The following TPTE variants were observed in gnomAD, a reference collection of about 807,000 sequenced individuals.
The protein encoded by TPTE is transmembrane phosphatase with tensin homology.
In TPTE, 59 loss-of-function variants were observed where a neutral mutation model predicts 84.1. The ratio of observed to expected loss-of-function variants is 0.70; its 90% confidence interval spans 0.57 to 0.87. The LOEUF (loss-of-function observed/expected upper bound fraction) is 0.87. Among genes scored for constraint, TPTE ranks in the 40% least tolerant of loss-of-function variants. The pLI, the probability that TPTE is intolerant of heterozygous loss-of-function variation, is 0.00. For synonymous variants in TPTE, 130 were observed against 223.5 expected (o/e 0.58, Z 3.73); for missense variants, 382 against 659.6 (o/e 0.58, Z 4.61).
chr21:10,551,945 A>G (rs1331330647), intron 7 of TPTE, among the ~76,000 whole-genome samples: 1 of 152,306 alleles, frequency 6.6e-6, no homozygotes, highest in African/African-American at 2.4e-5. Flanking sequence ...CCAGGACCTG[A>G]TGGCTTCACC....
chr21:10,558,345 T>C (rs796554761), intron 8 of TPTE, among the ~76,000 whole-genome samples: 3 of 152,428 alleles, frequency 2.0e-5, no homozygotes, highest in African/African-American at 7.2e-5. Flanking sequence ...TTTACAGTGA[T>C]TGAACTAATT....
At chr21:10,557,336 T>C (rs1479099105) in intron 8 of TPTE, among the ~76,000 whole-genome samples, 1 of 152,304 alleles carries the variant, frequency 6.6e-6, no homozygotes, top group African/African-American at 2.4e-5. Flanking sequence ...AGTACTCTTT[T>C]TTTAAGCAAA....
At chr21:10,605,279 G>A in intron 23 of TPTE, 138 bp from the exon 24 acceptor site, 1 of 1,222,072 alleles carries the variant, frequency 8.2e-7, no homozygotes, top group Non-Finnish European at 1.1e-6. Flanking sequence ...GGAGCCAACT[G>A]AGACACAAAA....
intron 18 of TPTE, among the ~76,000 whole-genome samples, chr21:10,591,824 A>G (rs1162257080): frequency 6.6e-6 from 1 of 152,310 alleles, no homozygotes; most frequent in Admixed American, 6.5e-5. Flanking sequence ...TGAATCCTTG[A>G]ATGAGAGAAG....
At position 10,564,797 on chromosome 21, in the gene TPTE, A is replaced by G. The variant is rs541804327; in HGVS notation, c.447-2873A>G. Among the ~76,000 whole-genome samples, 7 of 152,430 alleles carry G rather than the reference A, an allele frequency of 4.6e-5. No homozygotes were observed. In the East Asian group the frequency reaches 7.7e-4, roughly 17 times the overall value. ...CTGAAAAAGCATTTGATAAAATTCA[A>G]CATCCCTTCATGGTAAACACCCTAA... On this transcript the variant is annotated intron_variant, in intron 10 of 23. Coordinates refer to ENST00000618007, the MANE Select transcript of TPTE (RefSeq NM_199261.4).
In TPTE at chr21:10,596,383, G is replaced by A. The variant is rs201345421; in HGVS notation, c.1276+296G>A. Among the ~76,000 whole-genome samples, 1,587 of 149,898 alleles carry A rather than the reference G, an allele frequency of 0.011. No homozygotes were observed. In the East Asian group the frequency reaches 0.11, roughly 10 times the overall value. The stretch of plus-strand genomic sequence containing the variant: ...GGTCTCAACCCAGGCGGACTTTTCC[G>A]GGCAGAGGGAGCCTCTGATGAGGGA... On this transcript the variant is annotated intron_variant, in intron 20 of 23. Coordinates refer to ENST00000618007, the MANE Select transcript of TPTE (RefSeq NM_199261.4).
intron 2 of TPTE, among the ~76,000 whole-genome samples, chr21:10,527,067 C>T (rs1460748625): frequency 6.6e-6 from 1 of 152,298 alleles, no homozygotes; most frequent in Non-Finnish European, 1.5e-5. Flanking sequence ...CCAAGGATGA[C>T]CGGGAACTAG....
intron 7 of TPTE, among the ~76,000 whole-genome samples, chr21:10,551,931 A>G (rs2074583428): frequency 6.6e-6 from 1 of 152,306 alleles, no homozygotes; most frequent in Non-Finnish European, 1.5e-5. Flanking sequence ...GCTTTCAACA[A>G]AGTCCAGGAC....
chr21:10,585,241 CAAAAAAAA>C (rs61644136), intron 17 of TPTE, among the ~76,000 whole-genome samples: 1 of 144,204 alleles, frequency 6.9e-6, no homozygotes, highest in Non-Finnish European at 1.5e-5. Context: ...AAAAATGAAA[CAAAAAAAA>C]AAAAAAAGAA....
intron 7 of TPTE, among the ~76,000 whole-genome samples, chr21:10,550,120 A>G (rs1378242252): frequency 3.3e-5 from 5 of 152,310 alleles, no homozygotes; most frequent in Admixed American, 3.3e-4. Context: ...ACAAAAACCA[A>G]GATAATTCAT....
intron 3 of TPTE, among the ~76,000 whole-genome samples, chr21:10,535,867 TG>T (rs1210527520): frequency 6.6e-6 from 1 of 152,310 alleles, no homozygotes; most frequent in African/African-American, 2.4e-5. Context: ...TCATATCTTC[TG>T]GGCAAGAAAG....
At position 10,602,046 on chromosome 21, in the gene TPTE, G is replaced by T; in HGVS notation, c.1357-12G>T. ...AGGTTTATAGTTCTCAATTCCATGT[G>T]TTCATTCATAGGTACTTGATAACAT... On this transcript the variant is annotated splice_polypyrimidine_tract_variant and intron_variant, in intron 21 of 23. Transcript: ENST00000618007. 3 of 1,608,252 alleles carry T rather than the reference G, an allele frequency of 1.9e-6. No individual in the cohort carries two copies. Among genetic ancestry groups the T allele is most frequent in the Non-Finnish European group, 2.6e-6 (3 of 1,175,276 alleles).
At chr21:10,546,548 TAAAACA>T (rs1258478797) in intron 7 of TPTE, among the ~76,000 whole-genome samples, 222 of 152,270 alleles carry the variant, frequency 1.5e-3, no homozygotes, top group Non-Finnish European at 1.3e-3. Context: ...GTTGTGAATG[TAAAACA>T]AAAACAAAAA....
At chr21:10,534,147 A>G (rs1258139236) in intron 3 of TPTE, among the ~76,000 whole-genome samples, 4 of 152,310 alleles carry the variant, frequency 2.6e-5, no homozygotes, top group Non-Finnish European at 5.9e-5. Context: ...GGACTCAAGT[A>G]CAGAGGCAAC....
At chr21:10,547,882 T>G (rs538547791) in intron 7 of TPTE, among the ~76,000 whole-genome samples, 16 of 152,424 alleles carry the variant, frequency 1.0e-4, no homozygotes, top group Admixed American at 5.2e-4. Flanking sequence ...AAATTCACTC[T>G]TAAGACAGCC....
chr21:10,537,384 G>C (rs1247714795), intron 3 of TPTE, among the ~76,000 whole-genome samples: 1 of 152,306 alleles, frequency 6.6e-6, no homozygotes, highest in Non-Finnish European at 1.5e-5. Context: ...CTGTGAGACA[G>C]AAATAATATA....
chr21:10,593,665 G>T (rs572712674), intron 19 of TPTE, among the ~76,000 whole-genome samples: 1 of 152,304 alleles, frequency 6.6e-6, no homozygotes. Flanking sequence ...GAAAATTGAG[G>T]TTTAGAGAAA....
chr21:10,574,146 A>C (rs915116975), intron 14 of TPTE, among the ~76,000 whole-genome samples: 1 of 152,310 alleles, frequency 6.6e-6, no homozygotes, highest in East Asian at 1.9e-4. Flanking sequence ...TGGATGACTA[A>C]ATTAATTTCA....
At chr21:10,589,550 A>C (rs2075426751) in intron 17 of TPTE, among the ~76,000 whole-genome samples, 1 of 152,428 alleles carries the variant, frequency 6.6e-6, no homozygotes, top group East Asian at 1.9e-4. Context: ...TCCTGCTCCC[A>C]GTCCAGGTTT....
Sources: allele counts gnomAD v4.1 joint callset (sites outside exome capture counted in the v4.1 genomes callset), GRCh38; gene constraint gnomAD v4.1.1; transcripts MANE v1.5; gene names NCBI Gene and HGNC (gene_info 2026-07-23, HGNC 2026-07-21).